The following SMYD3 variants were observed in gnomAD, a reference collection of about 807,000 sequenced individuals.
The protein encoded by SMYD3 is SET and MYND domain containing 3.
In SMYD3, 36 loss-of-function variants were observed where a neutral mutation model predicts 57.7. That is an observed-to-expected ratio of 0.62 (90% CI 0.48 to 0.82). The LOEUF is 0.82. SMYD3 is among the 40% of genes least tolerant of loss of function. The pLI, the probability that SMYD3 is intolerant of heterozygous loss-of-function variation, is 0.00. For missense variants in SMYD3, 515 were observed against 538.8 expected (o/e 0.96, Z 0.44); for synonymous variants, 211 against 195.0 (o/e 1.08, Z -0.68).
chr1:245,935,697 C>T (rs1266577103), intron 5 of SMYD3, among the ~76,000 whole-genome samples: 1 of 152,154 alleles, frequency 6.6e-6, no homozygotes, highest in African/African-American at 2.4e-5. Flanking sequence ...GAGTAATATT[C>T]AGCCCTTAAA....
intron 9 of SMYD3, among the ~76,000 whole-genome samples, chr1:245,861,285 T>G (rs775533090): frequency 1.3e-5 from 2 of 152,208 alleles, no homozygotes; most frequent in Non-Finnish European, 2.9e-5. Flanking sequence ...GGAGCTGAGC[T>G]CTAGACCTAG....
chr1:246,311,506 AGCC>A (rs1295130957), intron 5 of SMYD3, among the ~76,000 whole-genome samples: 3 of 152,364 alleles, frequency 2.0e-5, no homozygotes, highest in Admixed American at 6.5e-5. Flanking sequence ...ACAAAGCACA[AGCC>A]CACTCAGCTA....
At chr1:246,284,600 T>C (rs974855705) in intron 5 of SMYD3, among the ~76,000 whole-genome samples, 28 of 151,988 alleles carry the variant, frequency 1.8e-4, no homozygotes, top group Admixed American at 6.6e-5. Flanking sequence ...GTATTTTTAG[T>C]AGAGACGGGG....
intron 8 of SMYD3, among the ~76,000 whole-genome samples, chr1:245,909,603 A>G (rs1041869905): frequency 6.6e-6 from 1 of 152,166 alleles, no homozygotes; most frequent in Non-Finnish European, 1.5e-5. Context: ...AACATTAAAA[A>G]GATCATTCAT....
chr1:246,060,253 A>G (rs1233661694), intron 5 of SMYD3, among the ~76,000 whole-genome samples: 2 of 152,048 alleles, frequency 1.3e-5, no homozygotes, highest in Non-Finnish European at 2.9e-5. Flanking sequence ...ATGCCACTGC[A>G]CTCCAGCCTG....
chr1:246,396,092 T>C (rs2066667129), intron 1 of SMYD3, among the ~76,000 whole-genome samples: 1 of 152,202 alleles, frequency 6.6e-6, no homozygotes. Context: ...AGGGTCACTA[T>C]ATCTCATCAT....
chr1:246,381,946 G>A (rs6671597), intron 1 of SMYD3, among the ~76,000 whole-genome samples: 120,097 of 125,442 alleles, frequency 0.96, 59,219 homozygotes, highest in Middle Eastern at 0.97. Flanking sequence ...TGTAGCCCCA[G>A]ATCCCTCCAG....
chr1:246,101,064 G>GTT (rs538220674), intron 5 of SMYD3, among the ~76,000 whole-genome samples: 87 of 78,550 alleles, frequency 1.1e-3, no homozygotes, highest in East Asian at 1.6e-3. Context: ...ATTTTTAGGG[G>GTT]TTTTTTGTTT....
chr1:246,143,040 A>G (rs753716801), intron 5 of SMYD3, among the ~76,000 whole-genome samples: 5 of 152,192 alleles, frequency 3.3e-5, no homozygotes, highest in Non-Finnish European at 1.5e-5. Flanking sequence ...AATGGACAAC[A>G]AAATCTCACT....
chr1:246,014,847 A>C (rs900465754), intron 5 of SMYD3, among the ~76,000 whole-genome samples: 2 of 151,948 alleles, frequency 1.3e-5, no homozygotes, highest in Non-Finnish European at 2.9e-5. Flanking sequence ...CTCTCTCCCA[A>C]GCAGACGATG....
chr1:245,822,335 G>T (rs1351615872), intron 10 of SMYD3, among the ~76,000 whole-genome samples: 1 of 146,816 alleles, frequency 6.8e-6, no homozygotes, highest in African/African-American at 2.5e-5. Flanking sequence ...CTCATAGGTG[G>T]GAATTGAACA....
intron 5 of SMYD3, among the ~76,000 whole-genome samples, chr1:246,205,847 A>G (rs1306223175): frequency 1.3e-5 from 2 of 152,080 alleles, no homozygotes; most frequent in East Asian, 1.9e-4. Flanking sequence ...CAACAACAAG[A>G]GCAAACTTCC....
intron 1 of SMYD3, among the ~76,000 whole-genome samples, chr1:246,442,419 C>T (rs188940964): frequency 1.8e-3 from 280 of 152,090 alleles, no homozygotes; most frequent in Non-Finnish European, 2.2e-3. Context: ...CGTGGTGACG[C>T]ACACCTGTAA....
intron 5 of SMYD3, among the ~76,000 whole-genome samples, chr1:245,947,120 G>T (rs951002979): frequency 2.6e-5 from 4 of 152,170 alleles, no homozygotes; most frequent in African/African-American, 9.7e-5. Flanking sequence ...GACCAGCTGG[G>T]AAGCGTCAAC....
intron 5 of SMYD3, among the ~76,000 whole-genome samples, chr1:246,208,663 G>A (rs1448255151): frequency 3.9e-5 from 6 of 152,130 alleles, no homozygotes; most frequent in Admixed American, 1.3e-4. Flanking sequence ...CTGCTCATAG[G>A]CAATCACGTT....
intron 5 of SMYD3, among the ~76,000 whole-genome samples, chr1:246,306,198 G>C (rs1031507330): frequency 6.6e-6 from 1 of 152,130 alleles, no homozygotes. Flanking sequence ...AATTAGCAGG[G>C]CGTGGTGGCG....
At chr1:246,406,319 G>C (rs995386079) in intron 1 of SMYD3, among the ~76,000 whole-genome samples, 2 of 152,138 alleles carry the variant, frequency 1.3e-5, no homozygotes, top group Non-Finnish European at 1.5e-5. Flanking sequence ...TTGGCATAGA[G>C]TAAGAGCTCT....
rs77631544 is a variant in SMYD3 at position 245,978,251 on chromosome 1, G to A, written c.532-48314C>T. ...TCTTCTGTCCCTTACTAATTGATAAGTTCATCTAGGGCAAGAATCATGATT... is the reference window on the plus strand; with the variant it reads ...TCTTCTGTCCCTTACTAATTGATAAATTCATCTAGGGCAAGAATCATGATT... On this transcript the variant is annotated intron_variant, in intron 5 of 11. Transcript: ENST00000490107. Among the ~76,000 whole-genome samples the A allele has an allele frequency of 9.0e-3, 1,371 of 152,304 alleles. 10 individuals carry two copies. The highest frequency in any genetic ancestry group is 0.015 in the Non-Finnish European group (1,033 of 68,028).
intron 1 of SMYD3, among the ~76,000 whole-genome samples, chr1:246,486,754 CTAAT>C (rs2068194549): frequency 6.6e-6 from 1 of 152,106 alleles, no homozygotes; most frequent in Non-Finnish European, 1.5e-5. Context: ...ATGAATAATA[CTAAT>C]TAAAAAGTGA....
Sources: gnomAD v4.1 joint callset for allele counts (sites outside exome capture counted in the v4.1 genomes callset) on GRCh38, gnomAD v4.1.1 for gene constraint, MANE v1.5 for transcripts, NCBI Gene and HGNC (gene_info 2026-07-23, HGNC 2026-07-21) for gene names.